The following GOLPH3 variants were observed in gnomAD, a reference collection of about 807,000 sequenced individuals.
The protein encoded by GOLPH3 is coat protein GPP34.
Under a neutral mutation model 28.5 loss-of-function variants are expected in GOLPH3, and 14 were observed. The observed-to-expected ratio is 0.49, with a 90% confidence interval of 0.32 to 0.77. The LOEUF (loss-of-function observed/expected upper bound fraction) is 0.77, where lower values mean the gene tolerates loss of function less well. GOLPH3 is among the 30% of genes least tolerant of loss of function. The pLI, the probability that GOLPH3 is intolerant of heterozygous loss-of-function variation, is 0.03. For synonymous variants in GOLPH3, 158 were observed against 159.2 expected (o/e 0.99, Z 0.06); for missense variants, 350 against 393.7 (o/e 0.89, Z 0.94).
At chr5:32,173,736 T>C in intron 1 of GOLPH3, 74 bp downstream of exon 1, 1 of 1,108,856 alleles carries the variant, frequency 9.0e-7, no homozygotes, top group Non-Finnish European at 1.2e-6. Flanking sequence ...GGCGCTCACC[T>C]GGCACCTACC....
chr5:32,152,391 C>T (rs1746326585), intron 1 of GOLPH3, among the ~76,000 whole-genome samples: 1 of 148,254 alleles, frequency 6.7e-6, no homozygotes. Flanking sequence ...TCCCAAAGTG[C>T]TGGGATTACA....
chr5:32,155,628 TA>T (rs1746402791), intron 1 of GOLPH3, among the ~76,000 whole-genome samples: 2 of 152,108 alleles, frequency 1.3e-5, no homozygotes, highest in Admixed American at 6.5e-5. Flanking sequence ...AGAGTAAGGC[TA>T]TAGACTACAT....
intron 1 of GOLPH3, among the ~76,000 whole-genome samples, chr5:32,168,596 A>G (rs747009391): frequency 6.6e-6 from 1 of 152,204 alleles, no homozygotes; most frequent in Non-Finnish European, 1.5e-5. Flanking sequence ...TGACTGGAAA[A>G]TCAGACTGGA....
chr5:32,142,621 G>C (rs1402307872), intron 2 of GOLPH3, among the ~76,000 whole-genome samples: 2 of 135,388 alleles, frequency 1.5e-5, no homozygotes, highest in Non-Finnish European at 3.1e-5. Context: ...CCCCCTGCCC[G>C]GCCAGCCGCC....
chr5:32,173,280 C>T (rs1362660024), intron 1 of GOLPH3, among the ~76,000 whole-genome samples: 1 of 151,980 alleles, frequency 6.6e-6, no homozygotes, highest in Non-Finnish European at 1.5e-5. Flanking sequence ...AAGAGCTTTT[C>T]CCTCTATTAC....
In GOLPH3 at chr5:32,132,365, G is replaced by A. The variant is rs143260986; in HGVS notation, c.472+3207C>T. Among the ~76,000 whole-genome samples, 687 of 152,130 alleles carry A rather than the reference G, an allele frequency of 4.5e-3. 5 individuals carry two copies. Among genetic ancestry groups the A allele is most frequent in the African/African-American group, 0.016 (652 of 41,482 alleles). The stretch of plus-strand genomic sequence containing the variant: ...TATTAAAACATTCCTTGGCTTCACG[G>A]CAAGGAATCCCTCTGAACAAGTATA... On this transcript the variant is annotated intron_variant, in intron 3 of 3. Transcript: ENST00000265070.
At position 32,173,035 on chromosome 5, in the gene GOLPH3, T is replaced by G. The variant is rs189824111; in HGVS notation, c.225+775A>C. Among the ~76,000 whole-genome samples, 10 of 152,270 alleles carry G rather than the reference T, an allele frequency of 6.6e-5. No homozygotes were observed. The South Asian group carries it at 2.1e-3, about 32-fold the overall frequency. On this transcript the variant is annotated intron_variant, in intron 1 of 3. Coordinates refer to ENST00000265070, the MANE Select transcript of GOLPH3 (RefSeq NM_022130.4). ...GCTTTCAAAGTCAGAATACAAAGAA[T>G]TATCTATTGCAACTTCAACCCACCT...
At chr5:32,136,067 C>A (rs913186559) in intron 2 of GOLPH3, among the ~76,000 whole-genome samples, 11 of 152,020 alleles carry the variant, frequency 7.2e-5, no homozygotes, top group Non-Finnish European at 1.5e-4. Context: ...CCCAGCTACT[C>A]GGGTAGCTGA....
intron 1 of GOLPH3, among the ~76,000 whole-genome samples, chr5:32,164,412 G>C (rs1371031298): frequency 8.1e-6 from 1 of 123,830 alleles, no homozygotes; most frequent in Non-Finnish European, 1.7e-5. Flanking sequence ...TTTTTTTTTT[G>C]AGACGGAGTC....
At chr5:32,130,134 C>T (rs1421730059) in intron 3 of GOLPH3, among the ~76,000 whole-genome samples, 3 of 152,176 alleles carry the variant, frequency 2.0e-5, no homozygotes, top group African/African-American at 4.8e-5. Flanking sequence ...AGCCACCGCA[C>T]CCAGCCACTT....
intron 1 of GOLPH3, among the ~76,000 whole-genome samples, chr5:32,145,677 T>G (rs553584784): frequency 6.6e-6 from 1 of 152,214 alleles, no homozygotes; most frequent in Non-Finnish European, 1.5e-5. Flanking sequence ...AACTAAAATA[T>G]GTCTCAATCT....
intron 1 of GOLPH3, among the ~76,000 whole-genome samples, chr5:32,159,550 G>A (rs1386348791): frequency 6.6e-6 from 1 of 152,170 alleles, no homozygotes; most frequent in African/African-American, 2.4e-5. Flanking sequence ...AACAAAGTGT[G>A]AGCAGACACT....
rs565961729 is a variant in GOLPH3 at position 32,141,715 on chromosome 5, C to A, written c.357+2034G>T. ...GCAACCTCCCTGCCTGATTCTCCTG[C>A]CTCAGCTAGCCGAGTGCCTGCGATT... On this transcript the variant is annotated intron_variant, in intron 2 of 3. Transcript: ENST00000265070. Among the ~76,000 whole-genome samples, 13 of 152,336 alleles carry A rather than the reference C, an allele frequency of 8.5e-5. No homozygotes were observed. In the South Asian group the frequency reaches 2.3e-3, roughly 27 times the overall value.
rs1387041204 is a variant in GOLPH3 at position 32,166,822 on chromosome 5, AGC to A, written c.225+6986_225+6987del. Among the ~76,000 whole-genome samples, 22 of 151,610 alleles carry A rather than the reference AGC, an allele frequency of 1.5e-4. No individual in the cohort carries two copies. In the East Asian group the frequency reaches 4.3e-3, roughly 29 times the overall value. ...GACTCCATCTTAAAAAAAAAAAAAA[AGC>A]AGGAGGAGGACAAGCACTGTCTTTT... On this transcript the variant is annotated intron_variant, in intron 1 of 3. Coordinates refer to ENST00000265070, the MANE Select transcript of GOLPH3 (RefSeq NM_022130.4).
chr5:32,135,737 T>G, intron 2 of GOLPH3, 51 bp from the exon 3 acceptor site: 1 of 1,030,554 alleles, frequency 9.7e-7, no homozygotes, highest in Non-Finnish European at 1.5e-6. Context: ...CTTTTCTGAG[T>G]TGATCTCATT....
intron 2 of GOLPH3, among the ~76,000 whole-genome samples, chr5:32,142,081 G>T (rs554626394): frequency 1.3e-5 from 2 of 151,568 alleles, no homozygotes; most frequent in South Asian, 4.2e-4. Context: ...TGGGATGTGA[G>T]GAGCCCCTCT....
chr5:32,137,433 T>A (rs1018783858), intron 2 of GOLPH3, among the ~76,000 whole-genome samples: 1 of 151,162 alleles, frequency 6.6e-6, no homozygotes, highest in Non-Finnish European at 1.5e-5. Context: ...CCAAGGCGGG[T>A]GGATCACCTG....
intron 1 of GOLPH3, among the ~76,000 whole-genome samples, chr5:32,167,731 G>C (rs1011494905): frequency 6.7e-6 from 1 of 148,940 alleles, no homozygotes; most frequent in African/African-American, 2.4e-5. Context: ...CGGGAAGATT[G>C]CTTGAGGCCA....
chr5:32,143,812 T>G lies in GOLPH3; in HGVS notation c.294A>C (p.Ala98=). Residue 98 remains alanine (A), a synonymous_variant, in exon 2 of 4, where the codon GCA becomes GCC. Transcript: ENST00000265070. The part of the protein sequence containing the change: ...GLRGCMLIEL[A]LRGRLQLEAC... ...CCTCTAGTTGTAACCTTCCTCTCAATGCTAATTCAATTAACATACAGCCAC... is the reference window on the plus strand; with the variant it reads ...CCTCTAGTTGTAACCTTCCTCTCAAGGCTAATTCAATTAACATACAGCCAC... 1.2e-6 allele frequency: 2 copies of G among 1,605,102 alleles called. No homozygotes were observed. Among genetic ancestry groups the G allele is most frequent in the Non-Finnish European group, 1.7e-6 (2 of 1,176,604 alleles).
Sources: allele counts gnomAD v4.1 joint callset (sites outside exome capture counted in the v4.1 genomes callset), GRCh38; gene constraint gnomAD v4.1.1; transcripts MANE v1.5; gene names NCBI Gene and HGNC (gene_info 2026-07-23, HGNC 2026-07-21).